The following OGDHL variants were observed in gnomAD, a reference collection of about 807,000 sequenced individuals.
OGDHL encodes oxoglutarate dehydrogenase L.
Under a neutral mutation model 109.6 loss-of-function variants are expected in OGDHL, and 79 were observed. The ratio of observed to expected loss-of-function variants is 0.72; its 90% CI spans 0.60 to 0.87. The LOEUF is 0.87. Among genes scored for constraint, OGDHL ranks in the 40% least tolerant of loss-of-function variants. The pLI is 0.00. For missense variants in OGDHL, 1,275 were observed against 1,362.2 expected (o/e 0.94, Z 1.01); for synonymous variants, 528 against 537.2 (o/e 0.98, Z 0.24).
intron 20 of OGDHL, among the ~76,000 whole-genome samples, chr10:49,737,521 C>T (rs190476115): frequency 6.6e-6 from 1 of 152,338 alleles, no homozygotes; most frequent in Admixed American, 6.5e-5. Flanking sequence ...CAGCAGGCCT[C>T]TGCCAGGCCT....
In OGDHL at chr10:49,756,984, G is replaced by T; in HGVS notation, c.205-38C>A. On this transcript the variant is annotated intron_variant, in intron 2 of 22. Coordinates refer to ENST00000374103, the MANE Select transcript of OGDHL (RefSeq NM_018245.3). Reference sequence around the variant, plus strand: ...GAAACAAGAACGCAGCCAGGTCAGGGCCTGGGAAGAGTCAGGGGTGGCCCA... The same window carrying T: ...GAAACAAGAACGCAGCCAGGTCAGGTCCTGGGAAGAGTCAGGGGTGGCCCA... The T allele has an allele frequency of 1.3e-6, 2 of 1,590,364 alleles. 1 individual carries two copies. Among genetic ancestry groups the T allele is most frequent in the South Asian group, 2.3e-5 (2 of 87,218 alleles).
At position 49,736,466 on chromosome 10, in the gene OGDHL, T is replaced by C; in HGVS notation, c.2645A>G (p.Glu882Gly). 1.2e-6 allele frequency: 2 copies of C among 1,613,912 alleles called. No homozygotes were observed. Among genetic ancestry groups the C allele is most frequent in the East Asian group, 2.2e-5 (1 of 44,852 alleles). ...GCAGAAGATGAGCCGCTGCACCTGC[T>C]CAGGGGCCCGTGCTGCGGCCCCATC... The part of the protein sequence containing the change: ...PEDGAAARAP[E>G]QVQRLIFCTG... Residue 882 changes from glutamate (E) to glycine (G), a missense_variant, in exon 21 of 23, where the codon GAG becomes GGG. Glu to Gly is a moderately conservative substitution (Grantham distance 98). Transcript: ENST00000374103.
chr10:49,735,783 G>T (rs904166434), intron 22 of OGDHL, among the ~76,000 whole-genome samples: 1 of 152,186 alleles, frequency 6.6e-6, no homozygotes, highest in African/African-American at 2.4e-5. Context: ...AGGGACTAAG[G>T]CTCCAAGGAC....
At chr10:49,752,533 C>A in intron 4 of OGDHL, 105 bp downstream of exon 4, 1 of 995,144 alleles carries the variant, frequency 1.0e-6, no homozygotes, top group Non-Finnish European at 1.6e-6. Flanking sequence ...GGCTGCTCCC[C>A]GAGCTCCATG....
chr10:49,757,383 C>T (rs560849978), intron 2 of OGDHL, among the ~76,000 whole-genome samples: 1 of 152,306 alleles, frequency 6.6e-6, no homozygotes, highest in African/African-American at 2.4e-5. Context: ...TGTAAAAGCG[C>T]TTTCCTCCGT....
chr10:49,745,874 G>A lies in OGDHL; in HGVS notation c.1400C>T (p.Pro467Leu). 3 of 1,614,176 alleles carry A rather than the reference G, an allele frequency of 1.9e-6. No individual in the cohort carries two copies. Among genetic ancestry groups the A allele is most frequent in the Non-Finnish European group, 2.5e-6 (3 of 1,180,036 alleles). ...ACTGCACACATATATCACAGCCTCTGGGTCATCGGCATTCACATGGAAGAT... is the reference window on the plus strand; with the variant it reads ...ACTGCACACATATATCACAGCCTCTAGGTCATCGGCATTCACATGGAAGAT... ...APIFHVNADD[P>L]EAVIYVCSVA... Residue 467 changes from proline to leucine, a missense_variant, in exon 11 of 23, where the codon CCA becomes CTA. By Grantham distance (98) the Pro-to-Leu change is moderately conservative. Transcript: ENST00000374103.
chr10:49,761,048 G>A (rs1248747108), intron 1 of OGDHL, among the ~76,000 whole-genome samples: 1 of 152,168 alleles, frequency 6.6e-6, no homozygotes, highest in African/African-American at 2.4e-5. Flanking sequence ...AGGGCAGCCT[G>A]CCACCCACCC....
chr10:49,749,961 C>T (rs1284566477), intron 7 of OGDHL, 145 bp from the exon 8 acceptor site: 3 of 665,792 alleles, frequency 4.5e-6, no homozygotes, highest in African/African-American at 1.8e-5. Flanking sequence ...AGGCACCATC[C>T]TCTCCTGCTG....
intron 7 of OGDHL, among the ~76,000 whole-genome samples, chr10:49,750,452 T>C (rs1010720544): frequency 3.9e-5 from 6 of 152,142 alleles, no homozygotes; most frequent in African/African-American, 1.4e-4. Context: ...GACCTCCCTG[T>C]TGGGGACACA....
Position 49,734,983 on chromosome 10 carries a change from G to A in OGDHL, c.*245C>T. ...CCGCCCAAGAAATTCCAGCAAGATG[G>A]GAGCAGCTGGGGGATGCTCCAGCAC... On this transcript the variant is annotated 3_prime_UTR_variant, in exon 23 of 23. Transcript: ENST00000374103. 3.0e-6 allele frequency: 1 copy of A among 331,288 alleles called. No homozygotes were observed. The highest frequency in any genetic ancestry group is 9.9e-5 in the South Asian group (1 of 10,060). The allele number at this position is 331,288 out of a possible 1,614,324, so 20.5% of individuals were successfully genotyped here.
At chr10:49,746,557 T>A (rs1312353977) in intron 10 of OGDHL, among the ~76,000 whole-genome samples, 193 bp downstream of exon 10, 2 of 152,178 alleles carry the variant, frequency 1.3e-5, no homozygotes, top group African/African-American at 4.8e-5. Flanking sequence ...CTTCCAGCCC[T>A]ACTTATCCCT....
chr10:49,741,712 A>C (rs1474882805), intron 15 of OGDHL, among the ~76,000 whole-genome samples: 1 of 148,652 alleles, frequency 6.7e-6, no homozygotes, highest in South Asian at 2.2e-4. Flanking sequence ...CACCAAACAC[A>C]TACATACACA....
intron 20 of OGDHL, among the ~76,000 whole-genome samples, chr10:49,736,820 T>C (rs1379981569): frequency 6.6e-6 from 1 of 152,130 alleles, no homozygotes; most frequent in Non-Finnish European, 1.5e-5. Context: ...GAAGGCAACA[T>C]GATGGCATCA....
In OGDHL at chr10:49,749,828, G is replaced by A; in HGVS notation, c.897-12C>T. 6.3e-7 allele frequency: 1 copy of A among 1,580,616 alleles called. No homozygotes were observed. Among genetic ancestry groups the A allele is most frequent in the Non-Finnish European group, 8.6e-7 (1 of 1,167,710 alleles). ...CGTTCAGCCTTCCCCTGGAGCCAGA[G>A]GGGCCGGGCTCTCACCTGGCAAAGC... On this transcript the variant is annotated splice_polypyrimidine_tract_variant and intron_variant, in intron 7 of 22. Transcript: ENST00000374103.
At position 49,756,785 on chromosome 10, in the gene OGDHL, C is replaced by A. The variant is rs748665407; in HGVS notation, c.366G>T (p.Arg122=). The change falls in exon 3 of 23, where the codon CGG becomes CGT. Residue 122 remains arginine, a synonymous_variant. Coordinates refer to ENST00000374103, the MANE Select transcript of OGDHL (RefSeq NM_018245.3). ...CTCAGCTGCCCCTCACCTGGTAGGC[C>A]CGGATCAGGGACTGCACAGCCAGGT... ...EDHLAVQSLI[R]AYQIRGHHVA... is the part of the protein sequence containing the mutation. The A allele has an allele frequency of 1.2e-5, 19 of 1,612,676 alleles. No individual in the cohort carries two copies. The highest frequency in any genetic ancestry group is 1.4e-5 in the Non-Finnish European group (17 of 1,179,416).
intron 20 of OGDHL, among the ~76,000 whole-genome samples, chr10:49,737,130 G>A (rs1159805729): frequency 6.6e-6 from 1 of 152,180 alleles, no homozygotes; most frequent in Non-Finnish European, 1.5e-5. Context: ...CAAGAGAGAA[G>A]CCAGCACAGG....
rs750858698 is a variant in OGDHL, at chr10:49,737,907, GC to G, written c.2517+39del. 40 of 1,614,108 alleles carry G rather than the reference GC, an allele frequency of 2.5e-5. No homozygotes were observed. In the African/African-American group the frequency reaches 4.0e-4, roughly 16 times the overall value. The stretch of plus-strand genomic sequence containing the variant: ...CTGCCAGCTGGCCCTGCCTGGCCAG[GC>G]CCCCTGCCTGTGACCCCTGCCCTGG... On this transcript the variant is annotated intron_variant, in intron 19 of 22. Transcript: ENST00000374103.
At chr10:49,738,371 G>T in intron 17 of OGDHL, 109 bp from the exon 18 acceptor site, 1 of 1,120,950 alleles carries the variant, frequency 8.9e-7, no homozygotes, top group East Asian at 2.5e-5. Flanking sequence ...CTCAGCAGAG[G>T]TGCCCTCACC....
rs201276502 is a variant in OGDHL at position 49,736,484 on chromosome 10, G to A, written c.2627C>T (p.Ala876Val). ...SFQRVIPEDGAAARAPEQVQR... is the reference protein window; with the variant it reads ...SFQRVIPEDGVAARAPEQVQR... ...CACCTGCTCAGGGGCCCGTGCTGCG[G>A]CCCCATCTTCAGGAATCACCCGCTG... The change falls in exon 21 of 23, where the codon GCC becomes GTC. Residue 876 changes from alanine to valine, a missense_variant. Physicochemically the swap from Ala to Val is moderately conservative, Grantham distance 64 (BLOSUM62 0). Coordinates refer to ENST00000374103, the MANE Select transcript of OGDHL (RefSeq NM_018245.3). 5 of 1,613,760 alleles carry A rather than the reference G, an allele frequency of 3.1e-6. No homozygotes were observed. In the Admixed American group the frequency reaches 5.0e-5, roughly 16 times the overall value.
Sources: allele counts gnomAD v4.1 joint callset (sites outside exome capture counted in the v4.1 genomes callset), GRCh38; gene constraint gnomAD v4.1.1; transcripts MANE v1.5; gene names NCBI Gene and HGNC (gene_info 2026-07-23, HGNC 2026-07-21).